Variants in DCC observed in about 807,000 individuals in gnomAD.
DCC encodes the protein netrin receptor DCC.
In DCC, 58 loss-of-function variants were observed where a neutral mutation model predicts 172.5. The observed-to-expected ratio is 0.34, with a 90% CI of 0.27 to 0.42. The LOEUF is 0.42. DCC is among the 10% of genes least tolerant of loss of function. The pLI, the probability that DCC is intolerant of heterozygous loss-of-function variation, is 1.00. For synonymous variants in DCC, 709 were observed against 644.5 expected, an observed-to-expected ratio of 1.10 and a Z score of -1.52; for missense variants, 1,740 against 1,791.0, an observed-to-expected ratio of 0.97 and a Z score of 0.51.
At chr18:52,559,341 A>G (rs1194462108) in intron 1 of DCC, among the ~76,000 whole-genome samples, 2 of 152,128 alleles carry the variant, frequency 1.3e-5, no homozygotes, top group African/African-American at 4.8e-5. Flanking sequence ...TCGATCTCCT[A>G]ACCTTGTGAT....
At chr18:53,190,740 A>G (rs952644464) in intron 9 of DCC, among the ~76,000 whole-genome samples, 4 of 152,062 alleles carry the variant, frequency 2.6e-5, no homozygotes, top group African/African-American at 7.2e-5. Context: ...AGGTCAGGAG[A>G]TGGAGACTAT....
intron 27 of DCC, among the ~76,000 whole-genome samples, chr18:53,521,506 CA>C (rs1300183482): frequency 6.6e-6 from 1 of 152,022 alleles, no homozygotes; most frequent in African/African-American, 2.4e-5. Flanking sequence ...GTAAAACTGA[CA>C]AAAAAATTGT....
At chr18:53,016,350 A>G (rs1490015347) in intron 5 of DCC, among the ~76,000 whole-genome samples, 1 of 151,980 alleles carries the variant, frequency 6.6e-6, no homozygotes, top group African/African-American at 2.4e-5. Context: ...GCTCTCAAAC[A>G]CAGCAAAATA....
intron 5 of DCC, among the ~76,000 whole-genome samples, chr18:53,004,971 T>C (rs1218435707): frequency 6.6e-6 from 1 of 152,180 alleles, no homozygotes; most frequent in African/African-American, 2.4e-5. Flanking sequence ...CCCTAACGAA[T>C]GAATAAATGT....
chr18:52,611,346 TA>T (rs2034273542), intron 1 of DCC, among the ~76,000 whole-genome samples: 1 of 152,174 alleles, frequency 6.6e-6, no homozygotes, highest in African/African-American at 2.4e-5. Flanking sequence ...TTCCCTAACA[TA>T]CTGATAGGTA....
intron 2 of DCC, among the ~76,000 whole-genome samples, chr18:52,880,307 T>A (rs892162384): frequency 3.3e-5 from 5 of 152,190 alleles, no homozygotes; most frequent in African/African-American, 9.6e-5. Context: ...CAGCTATTTG[T>A]GTGTGTATGT....
chr18:53,508,610 C>T (rs770094529), intron 27 of DCC, among the ~76,000 whole-genome samples: 8 of 152,110 alleles, frequency 5.3e-5, no homozygotes, highest in Non-Finnish European at 1.0e-4. Flanking sequence ...TTTTTGGCTA[C>T]GCTCTGAGTG....
At chr18:53,238,336 A>G (rs2056234890) in intron 12 of DCC, among the ~76,000 whole-genome samples, 1 of 152,218 alleles carries the variant, frequency 6.6e-6, no homozygotes, top group Non-Finnish European at 1.5e-5. Context: ...AACATATGGT[A>G]GTTGTGTTCC....
intron 1 of DCC, among the ~76,000 whole-genome samples, chr18:52,351,944 G>A (rs532752993): frequency 2.2e-4 from 33 of 152,282 alleles, no homozygotes; most frequent in African/African-American, 7.7e-4. Context: ...ACCACTGGAT[G>A]TTGCAAAGAT....
chr18:52,389,261 C>A (rs1007551919), intron 1 of DCC, among the ~76,000 whole-genome samples: 1 of 151,918 alleles, frequency 6.6e-6, no homozygotes, highest in African/African-American at 2.4e-5. Context: ...GTCCTACCTG[C>A]CAAATAATAG....
At chr18:53,470,693 C>CAAGTACCT (rs1196568811) in intron 25 of DCC, among the ~76,000 whole-genome samples, 1 of 151,792 alleles carries the variant, frequency 6.6e-6, no homozygotes, top group African/African-American at 2.4e-5. Flanking sequence ...GAAGGAAAAG[C>CAAGTACCT]AAGTACCTTC....
At chr18:52,729,291 GC>G (rs2036599322) in intron 1 of DCC, among the ~76,000 whole-genome samples, 2 of 152,020 alleles carry the variant, frequency 1.3e-5, no homozygotes, top group African/African-American at 4.8e-5. Flanking sequence ...AGAGAGTCTT[GC>G]TCTGTCACCC....
chr18:52,536,814 T>C (rs1300046484), intron 1 of DCC, among the ~76,000 whole-genome samples: 2 of 152,214 alleles, frequency 1.3e-5, no homozygotes, highest in Admixed American at 6.5e-5. Flanking sequence ...TGCAAGAAGC[T>C]TAATTCCTAA....
intron 1 of DCC, among the ~76,000 whole-genome samples, chr18:52,626,582 C>G (rs1438526130): frequency 1.3e-5 from 2 of 152,116 alleles, no homozygotes; most frequent in Non-Finnish European, 2.9e-5. Flanking sequence ...AGCTAAAGTC[C>G]TAGCCAAAGT....
intron 3 of DCC, among the ~76,000 whole-genome samples, chr18:52,906,615 C>T (rs2039886552): frequency 6.6e-6 from 1 of 151,198 alleles, no homozygotes; most frequent in South Asian, 2.1e-4. Context: ...TGTGCAAGGC[C>T]CATTGATAAG....
intron 1 of DCC, among the ~76,000 whole-genome samples, chr18:52,485,277 A>G (rs762601470): frequency 2.0e-4 from 30 of 152,128 alleles, no homozygotes; most frequent in Non-Finnish European, 3.1e-4. Flanking sequence ...TGGTTCTGAC[A>G]GCATAGAAAT....
At chr18:52,948,692 CTA>C (rs1467937554) in intron 5 of DCC, among the ~76,000 whole-genome samples, 2 of 152,304 alleles carry the variant, frequency 1.3e-5, no homozygotes, top group East Asian at 3.9e-4. Flanking sequence ...AGCCTTGAGA[CTA>C]TGTTTCAGCT....
At chr18:53,160,060 G>C (rs1568338114) in intron 8 of DCC, among the ~76,000 whole-genome samples, 1 of 152,082 alleles carries the variant, frequency 6.6e-6, no homozygotes, top group African/African-American at 2.4e-5. Context: ...AGAAATTGTT[G>C]AAATTGCTAT....
intron 2 of DCC, among the ~76,000 whole-genome samples, chr18:52,804,221 C>T (rs1598819306): frequency 1.4e-5 from 2 of 144,558 alleles, no homozygotes; most frequent in African/African-American, 5.0e-5. Flanking sequence ...AAACACTTTA[C>T]ATTCTTCATC....
Sources: allele counts gnomAD v4.1 joint callset (sites outside exome capture counted in the v4.1 genomes callset), GRCh38; gene constraint gnomAD v4.1.1; transcripts MANE v1.5; gene names NCBI Gene and HGNC (gene_info 2026-07-23, HGNC 2026-07-21).